The following MTERF4 variants were observed in gnomAD, a reference collection of about 807,000 sequenced individuals.
MTERF4 encodes the protein mitochondrial transcription termination factor 4.
A neutral mutation model predicts 22.5 loss-of-function variants in MTERF4; 17 were observed. That is an observed-to-expected ratio of 0.75 (90% CI 0.52 to 1.13). MTERF4 has a LOEUF of 1.13. Among genes scored for constraint, MTERF4 ranks in the 50% most tolerant of loss-of-function variants. The pLI, the probability that MTERF4 is intolerant of heterozygous loss-of-function variation, is 0.00. For missense variants in MTERF4, 420 were observed against 466.8 expected, an observed-to-expected ratio of 0.90 and a Z score of 0.92; for synonymous variants, 165 against 175.3, an observed-to-expected ratio of 0.94 and a Z score of 0.47.
chr2:241,081,819 G>A (rs775766234), intron 4 of MTERF4: 20 of 1,514,082 alleles, frequency 1.3e-5, no homozygotes, highest in African/African-American at 2.8e-5. Flanking sequence ...GCCTCAGGGC[G>A]CCCCTTCCAA....
At chr2:241,053,578 C>A in the MTERF4 span, among the ~76,000 whole-genome samples, 1 of 152,230 alleles carries the variant, frequency 6.6e-6, no homozygotes, top group African/African-American at 2.4e-5. Flanking sequence ...AGCAGGAGGT[C>A]AAACACCCAA....
chr2:241,091,373 CAT>C (rs1303883599), downstream of MTERF4, among the ~76,000 whole-genome samples: 1 of 149,360 alleles, frequency 6.7e-6, no homozygotes, highest in African/African-American at 2.5e-5. The surrounding 1 kb of genome is among the most constrained non-coding windows in gnomAD (Gnocchi z 4.1). Context: ...GCTGAGCCCA[CAT>C]GTTCCTAAAG....
chr2:241,082,164 G>C, downstream of MTERF4: 1 of 798,842 alleles, frequency 1.3e-6, no homozygotes, highest in Non-Finnish European at 2.1e-6. Context: ...ATCCCGCCTT[G>C]GAGGAAGCCA....
chr2:241,083,612 T>C (rs1276233838), downstream of MTERF4, among the ~76,000 whole-genome samples: 1 of 152,206 alleles, frequency 6.6e-6, no homozygotes, highest in East Asian at 1.9e-4. Context: ...TCGGATTCTA[T>C]GCAGTGAGAG....
At chr2:241,100,100 G>A in intron 1 of MTERF4, 2 of 570,026 alleles carry the variant, frequency 3.5e-6, no homozygotes, top group East Asian at 3.0e-5. Context: ...ACAGAGATGG[G>A]AGTCAAGCAG....
the MTERF4 span, chr2:241,065,086 G>A: frequency 2.4e-6 from 2 of 835,658 alleles, no homozygotes; most frequent in South Asian, 3.6e-5. Context: ...GGAACAGGGA[G>A]GGGATAAAAT....
At chr2:241,101,278 G>A (rs976529414) in intron 1 of MTERF4, 4 of 430,336 alleles carry the variant, frequency 9.3e-6, no homozygotes, top group East Asian at 1.5e-4. Flanking sequence ...CATAAGGAGC[G>A]CAACCTGGAC....
downstream of MTERF4, chr2:241,069,773 C>A: frequency 1.1e-6 from 1 of 918,934 alleles, no homozygotes; most frequent in Non-Finnish European, 1.6e-6. The surrounding 1 kb of genome is among the most constrained non-coding windows in gnomAD (Gnocchi z 4.9). Context: ...CCAGCCCACA[C>A]CCCGCCTCGG....
At chr2:241,065,893 G>C in the MTERF4 span, among the ~76,000 whole-genome samples, 1,980 of 151,780 alleles carry the variant, frequency 0.013, 25 homozygotes, top group South Asian at 0.023. Context: ...AGGAATGGGG[G>C]CTTCCCAAAA....
downstream of MTERF4, chr2:241,068,887 CTCTT>C (rs745913348): frequency 7.2e-5 from 108 of 1,499,864 alleles, no homozygotes; most frequent in Middle Eastern, 8.5e-4. This position sits in a 1 kb window ranked among gnomAD's most constrained non-coding sequence, Gnocchi z 5.3. Flanking sequence ...TCCCTGTTCT[CTCTT>C]TGTCACCTCC....
the MTERF4 span, among the ~76,000 whole-genome samples, chr2:241,058,834 C>T: frequency 3.3e-5 from 5 of 152,152 alleles, no homozygotes; most frequent in Non-Finnish European, 7.4e-5. Context: ...CCTGTAGTCC[C>T]AGCTACTCAG....
At chr2:241,099,917 A>T (rs1414259019) in intron 1 of MTERF4, 23 bp from the exon 2 acceptor site, 1 of 1,603,868 alleles carries the variant, frequency 6.2e-7, no homozygotes, top group Non-Finnish European at 8.5e-7. Flanking sequence ...GGACCAAAAG[A>T]CAATTAATTC....
chr2:241,066,060 G>A, the MTERF4 span, among the ~76,000 whole-genome samples: 3 of 152,166 alleles, frequency 2.0e-5, no homozygotes, highest in South Asian at 2.1e-4. Flanking sequence ...GGGAGGCATC[G>A]GTGGCTCAAT....
the MTERF4 span, chr2:241,048,839 G>A: frequency 7.4e-7 from 1 of 1,354,930 alleles, no homozygotes; most frequent in East Asian, 2.5e-5. Flanking sequence ...GGTGGCTTCG[G>A]CCGGGGTCCG....
chr2:241,049,983 C>G, the MTERF4 span: 3 of 1,325,556 alleles, frequency 2.3e-6, no homozygotes, highest in East Asian at 6.9e-5. Flanking sequence ...TGGAGAGCGC[C>G]CGCGGTCCGC....
exon 5 of MTERF4, chr2:241,072,277 G>A (rs2125247054): frequency 1.3e-5 from 6 of 466,624 alleles, no homozygotes; most frequent in South Asian, 9.5e-5. Flanking sequence ...GTGTGGTCCG[G>A]CAAATCCTCC....
chr2:241,086,502 C>A (rs1469228397), downstream of MTERF4, among the ~76,000 whole-genome samples: 1 of 152,232 alleles, frequency 6.6e-6, no homozygotes. Context: ...TCCAGGCTGA[C>A]CACAGGACTC....
At chr2:241,071,381 C>T (rs370985327), downstream of MTERF4, 28 of 627,896 alleles carry the variant, frequency 4.5e-5, no homozygotes, top group South Asian at 3.7e-5. Flanking sequence ...AGAAGGGATG[C>T]GGCGGGTGGG....
At chr2:241,082,133 AC>A, downstream of MTERF4, 1 of 636,806 alleles carries the variant, frequency 1.6e-6, no homozygotes, top group Non-Finnish European at 2.8e-6. Context: ...CCAGCTGCAG[AC>A]CCCCGGGCCC....
Sources: allele counts gnomAD v4.1 joint callset (sites outside exome capture counted in the v4.1 genomes callset), GRCh38; gene constraint gnomAD v4.1.1; non-coding constraint Gnocchi (gnomAD v3.1); transcripts MANE v1.5; gene names NCBI Gene and HGNC (gene_info 2026-07-23, HGNC 2026-07-21).